NELL1: variants seen among roughly 807,000 people sequenced by gnomAD.
NELL1 encodes protein kinase C-binding protein NELL1.
A neutral mutation model predicts 107.4 loss-of-function variants in NELL1; 76 were observed. That is an observed-to-expected ratio of 0.71 (90% CI 0.59 to 0.86). The LOEUF (loss-of-function observed/expected upper bound fraction) is 0.86, where lower values mean the gene tolerates loss of function less well. Ranked by LOEUF, NELL1 falls within the 40% of genes least tolerant of loss-of-function variation. The pLI is 0.00. For synonymous variants in NELL1, 353 were observed against 341.2 expected (o/e 1.03, Z -0.38); for missense variants, 1,024 against 1,005.5 (o/e 1.02, Z -0.25).
intron 15 of NELL1, among the ~76,000 whole-genome samples, chr11:21,373,283 T>A (rs1248260717): frequency 6.6e-6 from 1 of 152,080 alleles, no homozygotes; most frequent in Non-Finnish European, 1.5e-5. Context: ...GCCATTATCT[T>A]GTCTGAGTTA....
At chr11:21,131,877 C>T (rs1453849526) in intron 13 of NELL1, among the ~76,000 whole-genome samples, 3 of 152,132 alleles carry the variant, frequency 2.0e-5, no homozygotes, top group Non-Finnish European at 4.4e-5. Flanking sequence ...TTATTAACCA[C>T]TATTGACTTG....
At chr11:20,807,510 A>C (rs186558253) in intron 3 of NELL1, among the ~76,000 whole-genome samples, 262 of 152,280 alleles carry the variant, frequency 1.7e-3, no homozygotes, top group Admixed American at 3.1e-3. Context: ...CCAGCACAAC[A>C]CTGGGTCTTG....
intron 13 of NELL1, among the ~76,000 whole-genome samples, chr11:21,200,483 AT>A (rs922913262): frequency 3.8e-4 from 57 of 149,800 alleles, no homozygotes; most frequent in African/African-American, 1.2e-3. Flanking sequence ...TCACTTTTTG[AT>A]TTTTTTTCTT....
intron 12 of NELL1, among the ~76,000 whole-genome samples, chr11:21,106,792 G>A (rs1212387145): frequency 6.6e-6 from 1 of 152,002 alleles, no homozygotes; most frequent in African/African-American, 2.4e-5. Flanking sequence ...CCTTGCTTTA[G>A]GGAGGACGCT....
At chr11:21,458,099 A>AAG (rs1056355090) in intron 15 of NELL1, among the ~76,000 whole-genome samples, 3 of 152,318 alleles carry the variant, frequency 2.0e-5, no homozygotes, top group African/African-American at 7.2e-5. Context: ...ATGGTATCCG[A>AAG]AGAGAGACAC....
chr11:20,898,729 G>T (rs1404430009), intron 5 of NELL1, among the ~76,000 whole-genome samples: 1 of 149,912 alleles, frequency 6.7e-6, no homozygotes, highest in African/African-American at 2.5e-5. Flanking sequence ...TCATATGTTT[G>T]TTTACCATTT....
chr11:21,135,743 A>G (rs1433013122), intron 13 of NELL1, among the ~76,000 whole-genome samples: 4 of 152,254 alleles, frequency 2.6e-5, no homozygotes, highest in African/African-American at 9.6e-5. Context: ...AGTAATACCT[A>G]CAACATAGTA....
chr11:21,163,800 A>T lies in NELL1; in HGVS notation c.1426+50086A>T, dbSNP rs529883487. ...TATAAGGGCATTAATTTCATCATGAAAGTTTCAGCTTCTCGACCTCATCTA... is the reference window on the plus strand; with the variant it reads ...TATAAGGGCATTAATTTCATCATGATAGTTTCAGCTTCTCGACCTCATCTA... On this transcript the variant is annotated intron_variant, in intron 13 of 19. Coordinates refer to ENST00000357134, the MANE Select transcript of NELL1 (RefSeq NM_006157.5). 2.6e-5 allele frequency among the ~76,000 whole-genome samples: 4 copies of T among 152,010 alleles called. No individual in the cohort carries two copies. In the East Asian group the frequency reaches 7.7e-4, roughly 29 times the overall value.
intron 14 of NELL1, among the ~76,000 whole-genome samples, chr11:21,309,300 G>GTATATATA (rs1409905383): frequency 3.1e-4 from 18 of 58,136 alleles, no homozygotes; most frequent in Non-Finnish European, 6.1e-4. Flanking sequence ...ATATATATAT[G>GTATATATA]TATATATATA....
intron 13 of NELL1, among the ~76,000 whole-genome samples, chr11:21,218,501 A>G (rs1857673015): frequency 6.6e-6 from 1 of 152,148 alleles, no homozygotes; most frequent in Non-Finnish European, 1.5e-5. Flanking sequence ...GAAAATTCAA[A>G]ATTCTATTTT....
intron 12 of NELL1, among the ~76,000 whole-genome samples, chr11:21,011,038 C>T (rs1278900166): frequency 6.6e-6 from 1 of 152,108 alleles, no homozygotes; most frequent in African/African-American, 2.4e-5. Flanking sequence ...TTCCTGGTTT[C>T]CTCAGTCAAA....
chr11:20,988,898 A>G (rs1337131062), intron 12 of NELL1, among the ~76,000 whole-genome samples: 3 of 151,666 alleles, frequency 2.0e-5, no homozygotes, highest in South Asian at 4.2e-4. Context: ...GAGGTTTGCT[A>G]TTTTCTCACC....
chr11:21,383,665 ATG>A (rs1468952360), intron 15 of NELL1: 4 of 140,630 alleles, frequency 2.8e-5, no homozygotes, highest in African/African-American at 8.3e-5. Flanking sequence ...AGATTTATAT[ATG>A]TATATATATA....
intron 11 of NELL1, among the ~76,000 whole-genome samples, chr11:20,948,608 A>G (rs1851010050): frequency 6.6e-6 from 1 of 151,828 alleles, no homozygotes; most frequent in Admixed American, 6.6e-5. Context: ...GTACCCATTA[A>G]CCAAATTCTC....
intron 15 of NELL1, among the ~76,000 whole-genome samples, chr11:21,479,407 G>A (rs1312041754): frequency 6.6e-6 from 1 of 152,044 alleles, no homozygotes; most frequent in Non-Finnish European, 1.5e-5. Context: ...AGAACTAGAG[G>A]TCATTATGTT....
intron 15 of NELL1, among the ~76,000 whole-genome samples, chr11:21,408,582 AGTAGGTTGCGAAAATTTTCTCCCATTTT>A (rs1425830170): frequency 2.0e-5 from 3 of 151,988 alleles, no homozygotes; most frequent in African/African-American, 7.2e-5. Context: ...TTGTCAGATG[AGTAGGTTGCGAAAATTTTCTCCCATTTT>A]GTAGGTTGCC....
intron 14 of NELL1, among the ~76,000 whole-genome samples, chr11:21,319,393 T>G (rs1849955485): frequency 6.6e-6 from 1 of 150,990 alleles, no homozygotes; most frequent in African/African-American, 2.4e-5. Context: ...TTTCACCATG[T>G]TGGCCAGGTT....
At chr11:20,963,336 A>C (rs879292735) in intron 12 of NELL1, among the ~76,000 whole-genome samples, 2 of 152,096 alleles carry the variant, frequency 1.3e-5, no homozygotes, top group African/African-American at 2.4e-5. Flanking sequence ...CACCACTTCT[A>C]TCCTCACCAC....
At chr11:20,718,225 T>C (rs1855298647) in intron 2 of NELL1, among the ~76,000 whole-genome samples, 1 of 152,210 alleles carries the variant, frequency 6.6e-6, no homozygotes, top group Non-Finnish European at 1.5e-5. Flanking sequence ...TACCCAATCC[T>C]ATAGTCACAA....
Sources: allele counts gnomAD v4.1 joint callset (sites outside exome capture counted in the v4.1 genomes callset), GRCh38; gene constraint gnomAD v4.1.1; transcripts MANE v1.5; gene names NCBI Gene and HGNC (gene_info 2026-07-23, HGNC 2026-07-21).